The following CSMD3 variants were observed in gnomAD, a reference collection of about 807,000 sequenced individuals.
The protein encoded by CSMD3 is CUB and sushi domain-containing protein 3.
Under a neutral mutation model 435.2 loss-of-function variants are expected in CSMD3, and 177 were observed. The ratio of observed to expected loss-of-function variants is 0.41; its 90% CI spans 0.36 to 0.46. CSMD3 has a LOEUF of 0.46. Ranked by LOEUF, CSMD3 falls within the 20% of genes least tolerant of loss-of-function variation. The probability of loss-of-function intolerance (pLI) is 0.34; values close to 1 mark genes in which losing one functional copy is unlikely to be tolerated. For synonymous variants in CSMD3, 1,656 were observed against 1,520.5 expected, an observed-to-expected ratio of 1.09 and a Z score of -2.07; for missense variants, 4,265 against 4,504.6, an observed-to-expected ratio of 0.95 and a Z score of 1.52.
At chr8:112,905,885 T>A (rs1443496616) in intron 10 of CSMD3, among the ~76,000 whole-genome samples, 1 of 151,412 alleles carries the variant, frequency 6.6e-6, no homozygotes, top group Non-Finnish European at 1.5e-5. Context: ...ATTCATATGT[T>A]GATGTCAAAT....
At chr8:113,295,165 T>G (rs1268248860) in intron 2 of CSMD3, among the ~76,000 whole-genome samples, 1 of 152,158 alleles carries the variant, frequency 6.6e-6, no homozygotes, top group Non-Finnish European at 1.5e-5. Context: ...ATTTATCATT[T>G]CTTTCTGTTA....
At chr8:112,305,860 C>A (rs552602777) in intron 51 of CSMD3, 147 bp downstream of exon 51, 1 of 732,578 alleles carries the variant, frequency 1.4e-6, no homozygotes, top group Non-Finnish European at 2.4e-6. Flanking sequence ...CTTCATTGTA[C>A]AAGATAGCTT....
At chr8:112,307,245 C>T (rs1821516663) in intron 50 of CSMD3, among the ~76,000 whole-genome samples, 1 of 151,926 alleles carries the variant, frequency 6.6e-6, no homozygotes, top group African/African-American at 2.4e-5. Flanking sequence ...CACCTCAGCA[C>T]CCTAGTAGCT....
chr8:113,020,020 G>A (rs951030592), intron 5 of CSMD3, among the ~76,000 whole-genome samples: 2 of 150,290 alleles, frequency 1.3e-5, no homozygotes, highest in East Asian at 1.9e-4. Context: ...AAAATTAGCC[G>A]GGCGCGGTGG....
At chr8:112,353,086 A>G (rs918804563) in intron 38 of CSMD3, among the ~76,000 whole-genome samples, 6 of 152,074 alleles carry the variant, frequency 3.9e-5, no homozygotes, top group Admixed American at 2.0e-4. Flanking sequence ...CTTTCTCTGA[A>G]GATACTATAA....
intron 42 of CSMD3, among the ~76,000 whole-genome samples, chr8:112,339,555 T>C (rs1462343719): frequency 6.6e-6 from 1 of 152,118 alleles, no homozygotes; most frequent in Non-Finnish European, 1.5e-5. Flanking sequence ...TTGCTGGGCG[T>C]TTTGTCCAAT....
chr8:112,804,155 C>A (rs1305580114), intron 12 of CSMD3, among the ~76,000 whole-genome samples: 1 of 152,130 alleles, frequency 6.6e-6, no homozygotes, highest in Non-Finnish European at 1.5e-5. Flanking sequence ...GAGGCTTTCT[C>A]AGAATCTACC....
chr8:112,965,675 A>T (rs2130884720), intron 7 of CSMD3, among the ~76,000 whole-genome samples: 1 of 152,096 alleles, frequency 6.6e-6, no homozygotes, highest in South Asian at 2.1e-4. Flanking sequence ...TTGTCATTCA[A>T]GTCCTCAGGC....
At chr8:112,967,429 C>T (rs1504341) in intron 7 of CSMD3, among the ~76,000 whole-genome samples, 103,396 of 151,668 alleles carry the variant, frequency 0.68, 37,060 homozygotes, top group East Asian at 0.95. Flanking sequence ...TCCTGGTGCA[C>T]TGAGTACAAG....
rs2089527355 is a variant in CSMD3 at position 113,080,686 on chromosome 8, G to C, written c.917+18070C>G. On this transcript the variant is annotated intron_variant, in intron 5 of 70. Transcript: ENST00000297405. ...ACAGAGTCAGTGAAAAATTACGTTT[G>C]TTCATGAAGTTTACAGAAGGCTTAT... Among the ~76,000 whole-genome samples the C allele has an allele frequency of 4.6e-5, 7 of 152,130 alleles. No individual in the cohort carries two copies. The South Asian group carries it at 1.4e-3, about 31-fold the overall frequency.
chr8:113,388,128 T>C (rs748129221), intron 1 of CSMD3, among the ~76,000 whole-genome samples: 10 of 151,720 alleles, frequency 6.6e-5, no homozygotes, highest in Non-Finnish European at 1.5e-4. Context: ...TTATATGCTA[T>C]GCTAAGGTAT....
chr8:113,187,325 G>A (rs1048370405), intron 3 of CSMD3, among the ~76,000 whole-genome samples: 3 of 151,800 alleles, frequency 2.0e-5, no homozygotes, highest in African/African-American at 7.3e-5. Context: ...CACCACTGGA[G>A]TAAAGTTTAC....
chr8:112,399,067 C>T (rs991392855), intron 35 of CSMD3, among the ~76,000 whole-genome samples: 4 of 151,874 alleles, frequency 2.6e-5, no homozygotes, highest in Admixed American at 2.0e-4. Flanking sequence ...CAGGCATGTG[C>T]CACCACGCCC....
At position 112,506,017 on chromosome 8, in the gene CSMD3, C is replaced by G. The variant is rs545086579; in HGVS notation, c.4895+674G>C. 2.8e-4 allele frequency among the ~76,000 whole-genome samples: 42 copies of G among 152,210 alleles called. 1 individual carries two copies. Among genetic ancestry groups the G allele is most frequent in the African/African-American group, 1.0e-3 (42 of 41,546 alleles). On this transcript the variant is annotated intron_variant, in intron 29 of 70. Transcript: ENST00000297405. The stretch of plus-strand genomic sequence containing the variant: ...TCTAATGTCCGTATTGATGTTTCCT[C>G]AATTGAGAAAATGGGGATAGTAATA...
chr8:112,496,092 C>A (rs905442659), intron 30 of CSMD3, among the ~76,000 whole-genome samples: 2 of 152,066 alleles, frequency 1.3e-5, no homozygotes, highest in South Asian at 2.1e-4. Context: ...GCCTCAGCCT[C>A]CCGAGTAGCT....
chr8:113,208,627 T>C (rs1016136158), intron 3 of CSMD3, among the ~76,000 whole-genome samples: 1 of 152,098 alleles, frequency 6.6e-6, no homozygotes, highest in Admixed American at 6.6e-5. Flanking sequence ...TATCTTGAAG[T>C]TTGTCATTAC....
intron 6 of CSMD3, among the ~76,000 whole-genome samples, chr8:112,979,889 T>G (rs1411433071): frequency 6.6e-6 from 1 of 151,108 alleles, no homozygotes; most frequent in East Asian, 1.9e-4. Context: ...ATAATGCTAT[T>G]TAACAAAATA....
At chr8:112,258,489 A>G (rs749508479) in intron 61 of CSMD3, among the ~76,000 whole-genome samples, 10 of 152,262 alleles carry the variant, frequency 6.6e-5, no homozygotes, top group Non-Finnish European at 1.2e-4. Context: ...TACTTTTCCA[A>G]AGAAGACATT....
chr8:112,820,691 G>C (rs1197835601), intron 12 of CSMD3, among the ~76,000 whole-genome samples: 1 of 148,748 alleles, frequency 6.7e-6, no homozygotes, highest in Non-Finnish European at 1.5e-5. Flanking sequence ...TGCAGAACTT[G>C]TAGGTTTGCT....
Sources: gnomAD v4.1 joint callset for allele counts (sites outside exome capture counted in the v4.1 genomes callset) on GRCh38, gnomAD v4.1.1 for gene constraint, MANE v1.5 for transcripts, NCBI Gene and HGNC (gene_info 2026-07-23, HGNC 2026-07-21) for gene names.